SLC4A4: variants seen among roughly 807,000 people sequenced by gnomAD.
The protein encoded by SLC4A4 is solute carrier family 4 member 4, also known as electrogenic sodium bicarbonate cotransporter 1.
A neutral mutation model predicts 111.5 loss-of-function variants in SLC4A4; 27 were observed. The ratio of observed to expected loss-of-function variants is 0.24; its 90% confidence interval spans 0.18 to 0.33. SLC4A4 has a LOEUF of 0.33. Ranked by LOEUF, SLC4A4 falls within the 10% of genes least tolerant of loss-of-function variation. The probability of loss-of-function intolerance (pLI) is 1.00; values close to 1 mark genes in which losing one functional copy is unlikely to be tolerated. For synonymous variants in SLC4A4, 443 were observed against 463.4 expected, an observed-to-expected ratio of 0.96 and a Z score of 0.57; for missense variants, 909 against 1,315.5, an observed-to-expected ratio of 0.69 and a Z score of 4.78.
At chr4:71,365,922 C>T (rs55841704) in intron 6 of SLC4A4, among the ~76,000 whole-genome samples, 1 of 152,080 alleles carries the variant, frequency 6.6e-6, no homozygotes, top group Non-Finnish European at 1.5e-5. Context: ...GCTAATTCAA[C>T]CACAAGGGGA....
intron 2 of SLC4A4, among the ~76,000 whole-genome samples, chr4:71,180,866 C>G (rs1050307230): frequency 2.0e-5 from 3 of 152,054 alleles, no homozygotes; most frequent in African/African-American, 4.8e-5. Context: ...CCATTACTGG[C>G]TATATACCCA....
chr4:71,285,506 G>C (rs1353787311), intron 3 of SLC4A4, among the ~76,000 whole-genome samples: 1 of 152,102 alleles, frequency 6.6e-6, no homozygotes, highest in Non-Finnish European at 1.5e-5. Flanking sequence ...CTGGGGGCTG[G>C]GGCTTGATGA....
chr4:71,329,082 C>T (rs940148229), intron 3 of SLC4A4, among the ~76,000 whole-genome samples: 2 of 151,906 alleles, frequency 1.3e-5, no homozygotes, highest in Non-Finnish European at 2.9e-5. Context: ...ACTGTTTTTC[C>T]CCAATGTATG....
chr4:71,538,282 T>A (rs1361249347), intron 18 of SLC4A4, among the ~76,000 whole-genome samples: 1 of 152,130 alleles, frequency 6.6e-6, no homozygotes, highest in African/African-American at 2.4e-5. Context: ...AATACAGACA[T>A]TTTTAATCTT....
intron 2 of SLC4A4, among the ~76,000 whole-genome samples, chr4:71,239,394 C>T (rs1179228495): frequency 2.6e-5 from 4 of 152,074 alleles, no homozygotes; most frequent in African/African-American, 9.7e-5. Flanking sequence ...TGCTTAGGGT[C>T]CCCTAATTTG....
chr4:71,113,402 G>A (rs1743149799), intron 2 of SLC4A4, among the ~76,000 whole-genome samples: 1 of 152,180 alleles, frequency 6.6e-6, no homozygotes, highest in Admixed American at 6.5e-5. Context: ...TGTCACTTAT[G>A]GTATAGCAGA....
intron 2 of SLC4A4, among the ~76,000 whole-genome samples, chr4:71,101,675 T>C (rs893496777): frequency 5.9e-5 from 9 of 152,080 alleles, no homozygotes; most frequent in African/African-American, 4.8e-5. Context: ...ACATCTCACA[T>C]GGCAGGGTAT....
chr4:71,144,750 T>A (rs1314869334), intron 2 of SLC4A4, among the ~76,000 whole-genome samples: 1 of 152,148 alleles, frequency 6.6e-6, no homozygotes, highest in African/African-American at 2.4e-5. Flanking sequence ...TCTCTGTTAG[T>A]CTGTTGTCGG....
chr4:71,419,642 G>C (rs1722207300), intron 7 of SLC4A4, among the ~76,000 whole-genome samples: 1 of 152,246 alleles, frequency 6.6e-6, no homozygotes, highest in Admixed American at 6.5e-5. Flanking sequence ...GACCCCTTGT[G>C]CTTCCCGAGT....
intron 3 of SLC4A4, among the ~76,000 whole-genome samples, chr4:71,286,669 G>T (rs1157321919): frequency 6.6e-6 from 1 of 152,138 alleles, no homozygotes; most frequent in Non-Finnish European, 1.5e-5. Context: ...TTTTCACTTA[G>T]TTTGTCTCTG....
At chr4:71,464,463 T>C (rs1420714092) in intron 12 of SLC4A4, among the ~76,000 whole-genome samples, 1 of 152,170 alleles carries the variant, frequency 6.6e-6, no homozygotes, top group Non-Finnish European at 1.5e-5. Context: ...AGCAAGATAG[T>C]CTCTCTACGG....
At chr4:71,342,487 T>C (rs143842023) in intron 4 of SLC4A4, among the ~76,000 whole-genome samples, 11 of 152,302 alleles carry the variant, frequency 7.2e-5, no homozygotes, top group African/African-American at 2.6e-4. Context: ...ATTTCTTTTT[T>C]ATCAGATGAA....
intron 6 of SLC4A4, among the ~76,000 whole-genome samples, chr4:71,387,568 C>T (rs1045319312): frequency 4.6e-5 from 7 of 152,018 alleles, no homozygotes; most frequent in African/African-American, 7.3e-5. Flanking sequence ...GATCTTGGCT[C>T]ACCACAACGT....
rs928397402 is a variant in SLC4A4 at position 71,151,550 on chromosome 4, C to G, written c.-2+58758C>G. On this transcript the variant is annotated intron_variant, in intron 2 of 26. Transcript: ENST00000649996. ...TTTTTAACACCATCTGTTCTTTCCT[C>G]TGTTTATTCTTTTTCATCAACTTTT... 4.6e-5 allele frequency among the ~76,000 whole-genome samples: 7 copies of G among 152,004 alleles called. No homozygotes were observed. In the East Asian group the frequency reaches 5.8e-4, roughly 13 times the overall value.
rs542406944 is a variant in SLC4A4, at chr4:71,437,650, C to A, written c.808-2966C>A. The A allele has an allele frequency of 1.2e-5, 6 of 503,342 alleles. No individual in the cohort carries two copies. The East Asian group carries it at 2.2e-4, about 19-fold the overall frequency. 31.2% of individuals were successfully genotyped at this position (503,342 alleles called of 1,614,324 possible). ...CACAAAGGCAAGTTTATCACCCAAA[C>A]CTTTTAATAAGATGCTGAGAGCACA... On this transcript the variant is annotated intron_variant, in intron 7 of 25. Coordinates refer to ENST00000264485, the MANE Select transcript of SLC4A4 (RefSeq NM_001098484.3).
chr4:71,384,678 A>G (rs1226521284), intron 6 of SLC4A4, among the ~76,000 whole-genome samples: 1 of 150,942 alleles, frequency 6.6e-6, no homozygotes, highest in Non-Finnish European at 1.5e-5. Context: ...TCATTTGTAC[A>G]CCTTTTTCCT....
At chr4:71,329,507 T>C (rs186680186) in intron 3 of SLC4A4, among the ~76,000 whole-genome samples, 78 of 152,282 alleles carry the variant, frequency 5.1e-4, no homozygotes, top group African/African-American at 1.8e-3. Flanking sequence ...CAATGTTTTA[T>C]AGTTTTCATT....
At chr4:71,424,613 T>A (rs1468623404) in intron 7 of SLC4A4, among the ~76,000 whole-genome samples, 1 of 152,094 alleles carries the variant, frequency 6.6e-6, no homozygotes, top group African/African-American at 2.4e-5. Context: ...AATGATAGAC[T>A]GAATTAAGAA....
At chr4:71,491,061 G>A (rs945541726) in intron 15 of SLC4A4, among the ~76,000 whole-genome samples, 5 of 151,676 alleles carry the variant, frequency 3.3e-5, no homozygotes, top group Non-Finnish European at 7.4e-5. Context: ...GCTTGCTTTG[G>A]TTGTTAGGAT....
Sources: allele counts gnomAD v4.1 joint callset (sites outside exome capture counted in the v4.1 genomes callset), GRCh38; gene constraint gnomAD v4.1.1; transcripts MANE v1.5; gene names NCBI Gene and HGNC (gene_info 2026-07-23, HGNC 2026-07-21).